Variants in CPD observed in about 807,000 individuals in gnomAD.
CPD encodes metallocarboxypeptidase D.
A neutral mutation model predicts 138.3 loss-of-function variants in CPD; 69 were observed. That is an observed-to-expected ratio of 0.50 (90% confidence interval 0.41 to 0.61). The LOEUF (loss-of-function observed/expected upper bound fraction) is 0.61. Among genes scored for constraint, CPD ranks in the 20% least tolerant of loss-of-function variants. The pLI, the probability that CPD is intolerant of heterozygous loss-of-function variation, is 0.00. For missense variants in CPD, 1,432 were observed against 1,733.3 expected (o/e 0.83, Z 3.09); for synonymous variants, 651 against 642.1 (o/e 1.01, Z -0.21).
At chr17:30,449,071 G>A (rs935043868) in intron 12 of CPD, among the ~76,000 whole-genome samples, 1 of 152,058 alleles carries the variant, frequency 6.6e-6, no homozygotes, top group Non-Finnish European at 1.5e-5. Context: ...TCAAGCCATT[G>A]CATTCCAGCT....
At chr17:30,390,789 G>A (rs937470527) in intron 2 of CPD, among the ~76,000 whole-genome samples, 4 of 151,644 alleles carry the variant, frequency 2.6e-5, no homozygotes, top group African/African-American at 9.7e-5. Context: ...CCAAAGCCTC[G>A]TTATTGTGAG....
At chr17:30,422,093 G>C (rs1393281088) in intron 4 of CPD, among the ~76,000 whole-genome samples, 2 of 152,172 alleles carry the variant, frequency 1.3e-5, no homozygotes, top group South Asian at 4.1e-4. Flanking sequence ...ATATTCAGCT[G>C]TGTAAAGCAT....
At chr17:30,453,752 C>T (rs1359988713) in intron 14 of CPD, among the ~76,000 whole-genome samples, 1 of 152,232 alleles carries the variant, frequency 6.6e-6, no homozygotes, top group Non-Finnish European at 1.5e-5. Flanking sequence ...CAAACTTTTG[C>T]CTGGACATCC....
chr17:30,456,211 A>G (rs1913287879), intron 15 of CPD, 45 bp from the exon 16 acceptor site: 2 of 1,497,892 alleles, frequency 1.3e-6, no homozygotes, highest in South Asian at 1.2e-5. Context: ...GGGGAAAAAA[A>G]TCATTTGGAT....
At chr17:30,385,671 A>T (rs1374912393) in intron 2 of CPD, among the ~76,000 whole-genome samples, 2 of 151,910 alleles carry the variant, frequency 1.3e-5, no homozygotes, top group Non-Finnish European at 2.9e-5. Context: ...ATAACTGAGA[A>T]ATCAATGATA....
At position 30,443,988 on chromosome 17, in the gene CPD, T is replaced by C. The variant is rs775560063; in HGVS notation, c.2543+17T>C. The C allele has an allele frequency of 6.2e-7, 1 of 1,613,012 alleles. No homozygotes were observed. Among genetic ancestry groups the C allele is most frequent in the South Asian group, 1.1e-5 (1 of 91,030 alleles). On this transcript the variant is annotated intron_variant, in intron 11 of 20. Coordinates refer to ENST00000225719, the MANE Select transcript of CPD (RefSeq NM_001304.5). ...TGCTCGAGGGTGAGTGACTGAATGCTTTGAAATAGAGTGCTCGGAGGACAA... is the reference window on the plus strand; with the variant it reads ...TGCTCGAGGGTGAGTGACTGAATGCCTTGAAATAGAGTGCTCGGAGGACAA...
At chr17:30,450,731 C>T (rs952456922) in intron 13 of CPD, among the ~76,000 whole-genome samples, 5 of 152,150 alleles carry the variant, frequency 3.3e-5, no homozygotes, top group African/African-American at 1.2e-4. Flanking sequence ...TTGTGGTGCA[C>T]ACCTGTAATC....
chr17:30,379,701 C>A lies in CPD; in HGVS notation c.721C>A (p.Leu241Ile). 2.7e-6 allele frequency: 4 copies of A among 1,506,526 alleles called. No individual in the cohort carries two copies. Among genetic ancestry groups the A allele is most frequent in the Non-Finnish European group, 3.5e-6 (4 of 1,146,364 alleles). The allele number at this position is 1,506,526 out of a possible 1,614,324, so 93.3% of individuals were successfully genotyped here. Residue 241 changes from leucine to isoleucine, a missense_variant, in exon 1 of 21, where the codon CTC becomes ATC. Around this residue, in one of 6 missense-constraint regions of CPD, gnomAD observed 484 missense variants for 477.2 expected, o/e 1.01. Transcript: ENST00000225719. This position sits in a 1 kb window ranked among gnomAD's most constrained non-coding sequence, Gnocchi z 7.0. Reference sequence around the variant, plus strand: ...GGACGAGGTGCCCGAGGTGCGCGCCCTCATCGAGTGGATCCGCAGGAACAA... The same window carrying A: ...GGACGAGGTGCCCGAGGTGCGCGCCATCATCGAGTGGATCCGCAGGAACAA... ...ALDEVPEVRA[L>I]IEWIRRNKFV...
At chr17:30,458,653 T>C (rs1437353631) in intron 17 of CPD, among the ~76,000 whole-genome samples, 3 of 151,786 alleles carry the variant, frequency 2.0e-5, no homozygotes, top group African/African-American at 7.3e-5. Context: ...GATCATTTGA[T>C]GTCAGGAGTT....
At chr17:30,427,344 T>C (rs1249917266) in intron 6 of CPD, 47 bp from the exon 7 acceptor site, 7 of 1,569,792 alleles carry the variant, frequency 4.5e-6, no homozygotes, top group Non-Finnish European at 6.1e-6. Context: ...TGGAATAAAA[T>C]ATAAGTGAAC....
Position 30,431,777 on chromosome 17 carries a change from T to A in CPD, c.2023T>A (p.Leu675Met). The A allele has an allele frequency of 6.2e-6, 10 of 1,606,666 alleles. No homozygotes were observed. Among genetic ancestry groups the A allele is most frequent in the Non-Finnish European group, 7.7e-6 (9 of 1,174,192 alleles). Reference protein sequence around the residue: ...VLSANLHGGSLVVNYPFDDDE... With the variant: ...VLSANLHGGSMVVNYPFDDDE... ...TTTCCTCTTTTCCCTTATAGGTTCT[T>A]TGGTGGTTAACTACCCTTTTGATGA... The change falls in exon 8 of 21, where the codon TTG becomes ATG. Residue 675 changes from leucine to methionine, a missense_variant. This residue lies in a region of CPD where 297 missense variants were observed against 405.3 expected (regional missense o/e 0.73). Transcript: ENST00000225719.
At chr17:30,461,386 T>C (rs1461862940) in intron 18 of CPD, 75 bp downstream of exon 18, 8 of 1,184,546 alleles carry the variant, frequency 6.8e-6, no homozygotes, top group Non-Finnish European at 8.9e-6. Flanking sequence ...AAACATTGTC[T>C]TTTACCAAAA....
chr17:30,411,205 T>C (rs1402093506), intron 2 of CPD, among the ~76,000 whole-genome samples: 2 of 152,342 alleles, frequency 1.3e-5, no homozygotes, highest in Admixed American at 1.3e-4. Context: ...TTCTGGCTTG[T>C]AGGGTTTCTG....
At chr17:30,382,859 C>A in intron 1 of CPD, among the ~76,000 whole-genome samples, 1 of 152,128 alleles carries the variant, frequency 6.6e-6, no homozygotes, top group East Asian at 1.9e-4. Context: ...GTTTGTTTCG[C>A]TCACAGATGT....
intron 2 of CPD, among the ~76,000 whole-genome samples, chr17:30,399,539 C>T (rs1169138747): frequency 6.6e-6 from 1 of 152,082 alleles, no homozygotes; most frequent in East Asian, 1.9e-4. Flanking sequence ...TGAATCTACA[C>T]TTTTATCGTT....
At position 30,452,358 on chromosome 17, in the gene CPD, C is replaced by T. The variant is rs565458105; in HGVS notation, c.3205+512C>T. On this transcript the variant is annotated intron_variant, in intron 14 of 20. Transcript: ENST00000225719. ...CAATGGTACAATCTTGGCTCGCCTC[C>T]GCCTCTTGGGTTAAGCAATTATCCT... Among the ~76,000 whole-genome samples the T allele has an allele frequency of 3.2e-4, 48 of 151,244 alleles. 1 individual carries two copies. Among genetic ancestry groups the T allele is most frequent in the South Asian group, 1.1e-3 (5 of 4,760 alleles).
At chr17:30,458,471 C>G (rs1913359869) in intron 17 of CPD, among the ~76,000 whole-genome samples, 1 of 151,994 alleles carries the variant, frequency 6.6e-6, no homozygotes, top group African/African-American at 2.4e-5. Flanking sequence ...GTTTTCTTTT[C>G]TTTTTTTTGG....
intron 13 of CPD, among the ~76,000 whole-genome samples, chr17:30,450,569 G>T (rs943129830): frequency 1.3e-5 from 2 of 152,164 alleles, no homozygotes; most frequent in Admixed American, 1.3e-4. Context: ...CTACAGAAAA[G>T]AACTTTGACT....
At chr17:30,406,318 AT>A (rs1312392230) in intron 2 of CPD, among the ~76,000 whole-genome samples, 1 of 152,174 alleles carries the variant, frequency 6.6e-6, no homozygotes, top group Non-Finnish European at 1.5e-5. Flanking sequence ...ACTTTTAGTA[AT>A]TGTTTGTAGA....
Sources: gnomAD v4.1 joint callset for allele counts (sites outside exome capture counted in the v4.1 genomes callset) on GRCh38, gnomAD v4.1.1 for gene constraint, gnomAD v4.1.1 regional missense constraint, Gnocchi (gnomAD v3.1) non-coding constraint, MANE v1.5 for transcripts, NCBI Gene and HGNC (gene_info 2026-07-23, HGNC 2026-07-21) for gene names.